Variants in APBA1 observed in about 807,000 individuals in gnomAD.
The protein encoded by APBA1 is amyloid beta precursor protein binding family A member 1, also known as amyloid-beta A4 precursor protein-binding family A member 1.
A neutral mutation model predicts 86.6 loss-of-function variants in APBA1; 55 were observed. The observed-to-expected ratio is 0.64, with a 90% CI of 0.51 to 0.80. APBA1 has a LOEUF of 0.80. Ranked by LOEUF, APBA1 falls within the 30% of genes least tolerant of loss-of-function variation. APBA1 has a pLI of 0.00. For missense variants in APBA1, 1,090 were observed against 1,183.0 expected, an observed-to-expected ratio of 0.92 and a Z score of 1.15; for synonymous variants, 511 against 493.9, an observed-to-expected ratio of 1.03 and a Z score of -0.46.
chr9:69,455,021 G>A (rs903801251), intron 8 of APBA1, among the ~76,000 whole-genome samples: 7 of 152,148 alleles, frequency 4.6e-5, no homozygotes, highest in African/African-American at 1.7e-4. Flanking sequence ...GACAGTAAGT[G>A]TTGGCATCTC....
rs74914966 is a variant in APBA1 at position 69,544,629 on chromosome 9, C to T, written c.-69-27350G>A. 7.3e-3 allele frequency among the ~76,000 whole-genome samples: 1,110 copies of T among 152,252 alleles called. 9 individuals are homozygous for T. The highest frequency in any genetic ancestry group is 0.025 in the African/African-American group (1,032 of 41,538). ...TATTTTGCATAATAGGGACTCCTCC[C>T]ACAAAAGAATAGCCTTACTATTGAT... On this transcript the variant is annotated intron_variant, in intron 1 of 12. Coordinates refer to ENST00000265381, the MANE Select transcript of APBA1 (RefSeq NM_001163.4).
At chr9:69,520,209 G>C (rs1205648716) in intron 1 of APBA1, among the ~76,000 whole-genome samples, 2 of 151,756 alleles carry the variant, frequency 1.3e-5, no homozygotes, top group African/African-American at 4.8e-5. Flanking sequence ...TTGATGCTTA[G>C]GTTTATCCCT....
intron 1 of APBA1, among the ~76,000 whole-genome samples, chr9:69,647,425 C>A (rs765577516): frequency 1.6e-4 from 25 of 152,284 alleles, no homozygotes; most frequent in Non-Finnish European, 1.6e-4. Flanking sequence ...ACACACCCAT[C>A]TTCCTAAGAG....
chr9:69,580,716 TC>T (rs1326218563), intron 1 of APBA1, among the ~76,000 whole-genome samples: 1 of 152,136 alleles, frequency 6.6e-6, no homozygotes. Context: ...TGCTTTTCAC[TC>T]CACTGAACGG....
chr9:69,557,707 T>C (rs1484717909), intron 1 of APBA1, among the ~76,000 whole-genome samples: 2 of 152,218 alleles, frequency 1.3e-5, no homozygotes, highest in East Asian at 1.9e-4. Context: ...CCAGAAGCCA[T>C]AGGCTGCAGA....
chr9:69,617,575 C>G (rs1480663963), intron 1 of APBA1, among the ~76,000 whole-genome samples: 1 of 151,978 alleles, frequency 6.6e-6, no homozygotes, highest in Non-Finnish European at 1.5e-5. Context: ...AAATTCACCC[C>G]AGATCATGAT....
intron 1 of APBA1, among the ~76,000 whole-genome samples, chr9:69,624,710 G>C (rs1336838070): frequency 1.3e-5 from 2 of 152,088 alleles, no homozygotes; most frequent in African/African-American, 4.8e-5. Context: ...ATTTACAATG[G>C]CATGACCAAA....
At chr9:69,514,176 C>T (rs565551816) in intron 2 of APBA1, among the ~76,000 whole-genome samples, 8 of 152,292 alleles carry the variant, frequency 5.3e-5, no homozygotes, top group African/African-American at 1.9e-4. Flanking sequence ...TAGCTCTTCA[C>T]AATGAAACAC....
chr9:69,440,498 C>T (rs1834799185), intron 11 of APBA1, among the ~76,000 whole-genome samples: 1 of 152,038 alleles, frequency 6.6e-6, no homozygotes, highest in Admixed American at 6.5e-5. Context: ...GCCCCTCCCC[C>T]AGCCTCGCTG....
At chr9:69,540,123 C>CAACAACAACAACAACAAA (rs1451475149) in intron 1 of APBA1, among the ~76,000 whole-genome samples, 1 of 18,552 alleles carries the variant, frequency 5.4e-5, no homozygotes, top group African/African-American at 1.2e-4. Flanking sequence ...TCCATCTCGG[C>CAACAACAACAACAACAAA]AACAACAACA....
intron 2 of APBA1, among the ~76,000 whole-genome samples, chr9:69,514,801 T>C (rs1044518875): frequency 5.3e-5 from 8 of 150,182 alleles, no homozygotes; most frequent in Non-Finnish European, 1.2e-4. Flanking sequence ...TCCCAGCTAC[T>C]TGGGAGACTG....
intron 6 of APBA1, among the ~76,000 whole-genome samples, chr9:69,457,686 CAGG>C (rs1479689407): frequency 1.3e-5 from 2 of 152,134 alleles, no homozygotes; most frequent in African/African-American, 4.8e-5. Context: ...CTCAACGTCC[CAGG>C]AGTAGTAGCT....
rs762748970 is a variant in APBA1, at chr9:69,452,103, G to A, written c.1968+19C>T. On this transcript the variant is annotated intron_variant, in intron 9 of 12. Transcript: ENST00000265381. Reference sequence around the variant, plus strand: ...CCCAGCTGACCCAGCCTGGAGAACAGCTTCAGGTAAGTACCCACATCTTTA... The same window carrying A: ...CCCAGCTGACCCAGCCTGGAGAACAACTTCAGGTAAGTACCCACATCTTTA... The A allele has an allele frequency of 1.2e-6, 2 of 1,610,512 alleles. No homozygotes were observed. Among genetic ancestry groups the A allele is most frequent in the Non-Finnish European group, 1.7e-6 (2 of 1,177,616 alleles).
chr9:69,622,581 G>GAA (rs5898087), intron 1 of APBA1, among the ~76,000 whole-genome samples: 86 of 148,264 alleles, frequency 5.8e-4, no homozygotes, highest in South Asian at 1.1e-3. Context: ...CAAGTCATAA[G>GAA]AAAAAAAAAA....
chr9:69,545,964 C>T (rs1403859632), intron 1 of APBA1, among the ~76,000 whole-genome samples: 1 of 152,168 alleles, frequency 6.6e-6, no homozygotes, highest in Admixed American at 6.5e-5. Context: ...GCTACTTCTG[C>T]TTTAGCTAGA....
chr9:69,650,452 G>A (rs920379730), intron 1 of APBA1, among the ~76,000 whole-genome samples: 6 of 152,308 alleles, frequency 3.9e-5, no homozygotes, highest in Admixed American at 2.0e-4. Context: ...AAATTAAAAC[G>A]TGTACTGTCT....
intron 1 of APBA1, among the ~76,000 whole-genome samples, chr9:69,582,794 C>A (rs767564098): frequency 6.6e-6 from 1 of 152,130 alleles, no homozygotes; most frequent in African/African-American, 2.4e-5. Context: ...CAGTTCCTTC[C>A]GCTATGAAAG....
At chr9:69,482,379 T>C (rs1362552555) in intron 2 of APBA1, among the ~76,000 whole-genome samples, 3 of 151,510 alleles carry the variant, frequency 2.0e-5, no homozygotes, top group Non-Finnish European at 4.4e-5. Context: ...AAAATGCTCA[T>C]CATCACTGGC....
chr9:69,583,248 C>T (rs950033692), intron 1 of APBA1, among the ~76,000 whole-genome samples: 1 of 152,212 alleles, frequency 6.6e-6, no homozygotes, highest in Middle Eastern at 3.2e-3. Context: ...ACCCAGTCCA[C>T]CACCACTGTT....
Sources: allele counts gnomAD v4.1 joint callset (sites outside exome capture counted in the v4.1 genomes callset), GRCh38; gene constraint gnomAD v4.1.1; transcripts MANE v1.5; gene names NCBI Gene and HGNC (gene_info 2026-07-23, HGNC 2026-07-21).